The following CLSTN2 variants were observed in gnomAD, a reference collection of about 807,000 sequenced individuals.
CLSTN2 encodes the protein calsyntenin-2.
Under a neutral mutation model 101.2 loss-of-function variants are expected in CLSTN2, and 48 were observed. That is an observed-to-expected ratio of 0.47 (90% CI 0.38 to 0.60). CLSTN2 has a LOEUF of 0.60. Among genes scored for constraint, CLSTN2 ranks in the 20% least tolerant of loss-of-function variants. The probability of loss-of-function intolerance (pLI) is 0.00; values close to 1 mark genes in which losing one functional copy is unlikely to be tolerated. For synonymous variants in CLSTN2, 481 were observed against 463.6 expected (o/e 1.04, Z -0.48); for missense variants, 1,160 against 1,238.2 (o/e 0.94, Z 0.95).
chr3:140,314,288 C>T (rs2087206222), intron 2 of CLSTN2, among the ~76,000 whole-genome samples: 3 of 152,204 alleles, frequency 2.0e-5, no homozygotes, highest in Admixed American at 6.5e-5. Flanking sequence ...GGCCTCCTGA[C>T]GTGTTGCCTC....
chr3:140,258,945 C>T (rs2086626193), intron 2 of CLSTN2, among the ~76,000 whole-genome samples: 1 of 152,076 alleles, frequency 6.6e-6, no homozygotes, highest in Non-Finnish European at 1.5e-5. Context: ...ATATGTAAGT[C>T]ATGTATAGGT....
At chr3:139,996,567 C>T (rs2006666608) in intron 1 of CLSTN2, among the ~76,000 whole-genome samples, 1 of 152,178 alleles carries the variant, frequency 6.6e-6, no homozygotes, top group Non-Finnish European at 1.5e-5. Context: ...TCATTTTACA[C>T]TCCTCCTGGT....
At chr3:140,123,519 C>T (rs370911861) in intron 1 of CLSTN2, among the ~76,000 whole-genome samples, 3 of 152,096 alleles carry the variant, frequency 2.0e-5, no homozygotes, top group South Asian at 2.1e-4. Context: ...TGCGGGATAC[C>T]TCAGAGGTCA....
Position 140,576,459 on chromosome 3 carries a change from A to T in CLSTN2, c.*10206A>T, listed in dbSNP as rs981375046. 2.0e-5 allele frequency: 3 copies of T among 152,260 alleles called. No homozygotes were observed. The highest frequency in any genetic ancestry group is 2.0e-4 in the Admixed American group (3 of 15,282). 9.4% of individuals were successfully genotyped at this position (152,260 alleles called of 1,614,324 possible). A position where few individuals can be genotyped will look rare whatever the true frequency, so the allele number is the denominator to read the frequency against. ...TAAAGGTTCTGGGTTCAGCCAGTCT[A>T]AAAAGTCTAATAATTTCTTCTCTCA... On this transcript the variant is annotated 3_prime_UTR_variant, in exon 17 of 17. Coordinates refer to ENST00000458420, the MANE Select transcript of CLSTN2 (RefSeq NM_022131.3).
intron 2 of CLSTN2, among the ~76,000 whole-genome samples, chr3:140,299,530 G>A (rs930886312): frequency 7.9e-5 from 12 of 152,130 alleles, no homozygotes; most frequent in Non-Finnish European, 1.8e-4. Flanking sequence ...GCTTGTCAGG[G>A]AAGTAGCAGA....
At chr3:140,447,590 G>A (rs1418059888) in intron 5 of CLSTN2, among the ~76,000 whole-genome samples, 4 of 152,116 alleles carry the variant, frequency 2.6e-5, no homozygotes, top group Non-Finnish European at 4.4e-5. Context: ...TCACTAAAAC[G>A]CAGTGACAAG....
chr3:139,978,680 GTGTGTGTGTGTGTGTGTGTGTGTT>G, intron 1 of CLSTN2, among the ~76,000 whole-genome samples: 1 of 129,180 alleles, frequency 7.7e-6, no homozygotes, highest in Non-Finnish European at 1.7e-5. Context: ...GTGTGTGTGT[GTGTGTGTGTGTGTGTGTGTGTGTT>G]GTGTGGAAGG....
chr3:140,546,610 A>G lies in CLSTN2; in HGVS notation c.1603A>G (p.Ile535Val), dbSNP rs767221307. 14 of 1,613,996 alleles carry G rather than the reference A, an allele frequency of 8.7e-6. No homozygotes were observed. The highest frequency in any genetic ancestry group is 1.3e-5 in the African/African-American group (1 of 74,932). ...RPGKMESQKV[I>V]SCLQACKEGL... ...TGGCAAAATGGAAAGCCAGAAGGTGATCTCCTGCCTGCAGGCCTGCAAGGA... is the reference window on the plus strand; with the variant it reads ...TGGCAAAATGGAAAGCCAGAAGGTGGTCTCCTGCCTGCAGGCCTGCAAGGA... Residue 535 changes from isoleucine (I) to valine (V), a missense_variant, in exon 10 of 17, where the codon ATC becomes GTC. Physicochemically the swap from Ile to Val is conservative, Grantham distance 29. Coordinates refer to ENST00000458420, the MANE Select transcript of CLSTN2 (RefSeq NM_022131.3).
intron 2 of CLSTN2, among the ~76,000 whole-genome samples, chr3:140,193,802 T>C (rs1232827237): frequency 2.6e-5 from 4 of 152,086 alleles, no homozygotes; most frequent in Non-Finnish European, 4.4e-5. Flanking sequence ...GTTCCATAGG[T>C]TCCTGAGGCT....
intron 2 of CLSTN2, among the ~76,000 whole-genome samples, chr3:140,340,957 G>A (rs985444228): frequency 6.6e-6 from 1 of 152,170 alleles, no homozygotes; most frequent in Non-Finnish European, 1.5e-5. Context: ...TATGGGTTTT[G>A]AGGAGGAAGA....
Position 140,080,837 on chromosome 3 carries a change from G to A in CLSTN2, c.110-95114G>A, listed in dbSNP as rs2008582841. On this transcript the variant is annotated intron_variant, in intron 1 of 16. Coordinates refer to ENST00000458420, the MANE Select transcript of CLSTN2 (RefSeq NM_022131.3). The stretch of plus-strand genomic sequence containing the variant: ...CACCCAAGGTTTGCCACAAGGATGG[G>A]GTGAGTGCGTGGTGTGTTACACGGA... 2.0e-5 allele frequency among the ~76,000 whole-genome samples: 3 copies of A among 152,292 alleles called. No homozygotes were observed. The South Asian group carries it at 6.2e-4, about 32-fold the overall frequency.
chr3:140,531,372 C>A (rs1351198950), intron 8 of CLSTN2, among the ~76,000 whole-genome samples: 1 of 152,136 alleles, frequency 6.6e-6, no homozygotes, highest in Non-Finnish European at 1.5e-5. Flanking sequence ...TATTTAGCAT[C>A]CCTGTTGGTG....
At chr3:140,237,513 C>T (rs1004184619) in intron 2 of CLSTN2, among the ~76,000 whole-genome samples, 11 of 152,166 alleles carry the variant, frequency 7.2e-5, no homozygotes, top group Admixed American at 2.6e-4. Flanking sequence ...CTCTTACACT[C>T]TTCCCCGTAC....
At chr3:140,368,520 C>A (rs1396066417) in intron 2 of CLSTN2, among the ~76,000 whole-genome samples, 1 of 152,176 alleles carries the variant, frequency 6.6e-6, no homozygotes, top group Non-Finnish European at 1.5e-5. Flanking sequence ...TTCTCATCCC[C>A]CACTCCAGGC....
At chr3:140,376,588 G>A (rs2087919623) in intron 2 of CLSTN2, among the ~76,000 whole-genome samples, 1 of 152,178 alleles carries the variant, frequency 6.6e-6, no homozygotes, top group Non-Finnish European at 1.5e-5. Flanking sequence ...CATGGATTTT[G>A]CTTTTAAATG....
At chr3:140,559,695 A>T (rs1264088708) in intron 12 of CLSTN2, among the ~76,000 whole-genome samples, 1 of 152,036 alleles carries the variant, frequency 6.6e-6, no homozygotes, top group Non-Finnish European at 1.5e-5. Context: ...TTCCAAGAGA[A>T]TATATTCAAC....
At chr3:140,413,965 G>A (rs1314028135) in intron 4 of CLSTN2, among the ~76,000 whole-genome samples, 2 of 152,026 alleles carry the variant, frequency 1.3e-5, no homozygotes. Flanking sequence ...AAAGTTTAAA[G>A]CTTTTTTCTC....
chr3:140,385,443 G>A lies in CLSTN2; in HGVS notation c.233-18186G>A, dbSNP rs190737311. Among the ~76,000 whole-genome samples the A allele has an allele frequency of 2.2e-3, 309 of 141,374 alleles. 3 individuals carry two copies. The highest frequency in any genetic ancestry group is 7.2e-3 in the African/African-American group (267 of 37,286). The allele number at this position is 141,374 out of a possible 152,430, so 92.7% of individuals were successfully genotyped here. A position where few individuals can be genotyped will look rare whatever the true frequency, so the allele number is the denominator to read the frequency against. On this transcript the variant is annotated intron_variant, in intron 2 of 16. Transcript: ENST00000458420. ...GAGTGCAGTGGTGCGATCTCGACTCGCTGTAAACTCCTCCTCCCGGGTTCA... is the reference window on the plus strand; with the variant it reads ...GAGTGCAGTGGTGCGATCTCGACTCACTGTAAACTCCTCCTCCCGGGTTCA...
chr3:139,995,603 C>A (rs907858239), intron 1 of CLSTN2, among the ~76,000 whole-genome samples: 2 of 152,160 alleles, frequency 1.3e-5, no homozygotes, highest in African/African-American at 4.8e-5. Flanking sequence ...CGTTTTGTCC[C>A]AGGTGACTAT....
Sources: gnomAD v4.1 joint callset for allele counts (sites outside exome capture counted in the v4.1 genomes callset) on GRCh38, gnomAD v4.1.1 for gene constraint, MANE v1.5 for transcripts, NCBI Gene and HGNC (gene_info 2026-07-23, HGNC 2026-07-21) for gene names.